Variants in EP400 observed in about 807,000 individuals in gnomAD.
The protein encoded by EP400 is E1A-binding protein p400.
A neutral mutation model predicts 354.1 loss-of-function variants in EP400; 105 were observed. That is an observed-to-expected ratio of 0.30 (90% CI 0.25 to 0.35). The LOEUF (loss-of-function observed/expected upper bound fraction) is 0.35, where lower values mean the gene tolerates loss of function less well. Among genes scored for constraint, EP400 ranks in the 10% least tolerant of loss-of-function variants. The pLI is 1.00. For synonymous variants in EP400, 1,646 were observed against 1,716.9 expected (o/e 0.96, Z 1.02); for missense variants, 3,280 against 4,121.0 (o/e 0.80, Z 5.59).
intron 2 of EP400, among the ~76,000 whole-genome samples, chr12:131,975,196 C>A (rs117931124): frequency 6.6e-6 from 1 of 152,058 alleles, no homozygotes; most frequent in Non-Finnish European, 1.5e-5. Flanking sequence ...CAGCCACAGC[C>A]GGGGAGCAGT....
chr12:131,967,205 A>G (rs1349348861), intron 2 of EP400, among the ~76,000 whole-genome samples: 1 of 151,086 alleles, frequency 6.6e-6, no homozygotes, highest in Non-Finnish European at 1.5e-5. Flanking sequence ...ACGTAGTGAA[A>G]CCCCGTCTCT....
At chr12:132,040,285 G>A (rs1894854746) in intron 32 of EP400, among the ~76,000 whole-genome samples, 1 of 152,042 alleles carries the variant, frequency 6.6e-6, no homozygotes, top group Non-Finnish European at 1.5e-5. Flanking sequence ...CGTTGGCACA[G>A]CCACCATGGG....
At chr12:132,069,682 G>A in intron 51 of EP400, 41 bp downstream of exon 51, 1 of 1,609,298 alleles carries the variant, frequency 6.2e-7, no homozygotes. Context: ...GTCAGGAGTG[G>A]GTGCCCGGCC....
chr12:132,042,362 C>T (rs557028701), intron 32 of EP400, among the ~76,000 whole-genome samples: 3 of 152,298 alleles, frequency 2.0e-5, no homozygotes, highest in East Asian at 1.9e-4. Context: ...CCTTTTTAAA[C>T]GCTGTGTATT....
Position 132,064,761 on chromosome 12 carries a change from C to G in EP400, c.8428C>G (p.Gln2810Glu). 6.2e-7 allele frequency: 1 copy of G among 1,613,674 alleles called. No homozygotes were observed. Among genetic ancestry groups the G allele is most frequent in the South Asian group, 1.1e-5 (1 of 91,070 alleles). ...GTCTGCGCCCCCGCAGCCAACAGCCCAAGTGCAAGTGCAGACCTCGCAGCC... is the reference window on the plus strand; with the variant it reads ...GTCTGCGCCCCCGCAGCCAACAGCCGAAGTGCAAGTGCAGACCTCGCAGCC... ...AQSAPPQPTA[Q>E]VQVQTSQPPQ... is the part of the protein sequence containing the mutation. Residue 2810 changes from glutamine (Q) to glutamate (E), a missense_variant, in exon 48 of 53, where the codon CAA becomes GAA. Around this residue, in one of 20 missense-constraint regions of EP400, gnomAD observed 86 missense variants for 66.4 expected, o/e 1.29. Transcript: ENST00000389561.
Position 131,990,217 on chromosome 12 carries a change from G to T in EP400, c.2550+113G>T. 1 of 1,271,260 alleles carries T rather than the reference G, an allele frequency of 7.9e-7. No homozygotes were observed. 78.7% of individuals were successfully genotyped at this position (1,271,260 alleles called of 1,614,324 possible). On this transcript the variant is annotated intron_variant, in intron 8 of 52. Transcript: ENST00000389561. This position sits in a 1 kb window ranked among gnomAD's most constrained non-coding sequence, Gnocchi z 4.2. ...GCTTAGGAAGCTTTCGAGCACCAGA[G>T]TCAGCAACGTGTGCACTCTCCTGGG...
At chr12:132,014,215 G>A (rs984866167) in intron 19 of EP400, among the ~76,000 whole-genome samples, 4 of 152,232 alleles carry the variant, frequency 2.6e-5, no homozygotes, top group African/African-American at 9.6e-5. Context: ...GTGAATTTTA[G>A]TTTCCATTCA....
chr12:132,015,942 T>C (rs1893915165), intron 19 of EP400, among the ~76,000 whole-genome samples: 1 of 152,130 alleles, frequency 6.6e-6, no homozygotes, highest in South Asian at 2.1e-4. Flanking sequence ...CCCATGTTTC[T>C]GTACCACGAG....
At chr12:132,076,469 A>T (rs1227456192) in intron 51 of EP400, 47 bp from the exon 52 acceptor site, 1 of 1,587,202 alleles carries the variant, frequency 6.3e-7, no homozygotes, top group Non-Finnish European at 8.6e-7. Context: ...CTTTTTGTGC[A>T]CATACTCCTT....
At position 132,047,181 on chromosome 12, in the gene EP400, T is replaced by G. The variant is rs931960474; in HGVS notation, c.7200+1281T>G. Among the ~76,000 whole-genome samples the G allele has an allele frequency of 5.9e-5, 9 of 152,094 alleles. No homozygotes were observed. The East Asian group carries it at 1.7e-3, about 29-fold the overall frequency. On this transcript the variant is annotated intron_variant, in intron 39 of 52. Transcript: ENST00000389561. The stretch of plus-strand genomic sequence containing the variant: ...ACACTTGTCTCAAAGCATTTGTTTG[T>G]TTTTTTTGTTAAATGTAGAAAAGCA...
rs754577236 is a variant in EP400 at position 131,981,586 on chromosome 12, G to A, written c.1533G>A (p.Pro511=). ...DAGVPLQQLM[P]TAQGGMPPTP... Reference sequence around the variant, plus strand: ...GCGTTCCTCTCCAGCAACTAATGCCGACCGCACAAGGTAAGGCCCAGCAGC... The same window carrying A: ...GCGTTCCTCTCCAGCAACTAATGCCAACCGCACAAGGTAAGGCCCAGCAGC... Residue 511 remains proline (P), a synonymous_variant, in exon 4 of 53, where the codon CCG becomes CCA. Coordinates refer to ENST00000389561, the MANE Select transcript of EP400 (RefSeq NM_015409.5). 13 of 1,596,100 alleles carry A rather than the reference G, an allele frequency of 8.1e-6. No homozygotes were observed. The highest frequency in any genetic ancestry group is 5.4e-5 in the African/African-American group (4 of 74,710).
intron 2 of EP400, among the ~76,000 whole-genome samples, chr12:131,977,947 T>C (rs1279075717): frequency 6.6e-6 from 1 of 152,212 alleles, no homozygotes; most frequent in Non-Finnish European, 1.5e-5. Flanking sequence ...TCTGTAACTT[T>C]TGCGTTTAAA....
intron 2 of EP400, among the ~76,000 whole-genome samples, chr12:131,972,966 A>C (rs1389830237): frequency 6.6e-6 from 1 of 151,734 alleles, no homozygotes; most frequent in African/African-American, 2.4e-5. Flanking sequence ...TCCTGACCTC[A>C]AGTGATCCAC....
At chr12:131,977,416 A>T (rs1048025543) in intron 2 of EP400, among the ~76,000 whole-genome samples, 2 of 151,688 alleles carry the variant, frequency 1.3e-5, no homozygotes, top group Non-Finnish European at 2.9e-5. Context: ...TACAGGCGTG[A>T]GCCACCATGC....
intron 31 of EP400, 76 bp downstream of exon 31, chr12:132,037,869 C>T: frequency 6.2e-7 from 1 of 1,611,854 alleles, no homozygotes; most frequent in South Asian, 1.1e-5. Flanking sequence ...TTAGTGCACA[C>T]TAGCAAGGGG....
At chr12:132,035,602 G>C (rs547430010) in intron 30 of EP400, among the ~76,000 whole-genome samples, 1 of 150,800 alleles carries the variant, frequency 6.6e-6, no homozygotes, top group South Asian at 2.1e-4. Flanking sequence ...GCACACCCAG[G>C]TTCACACGGA....
At chr12:131,980,535 A>G (rs1045307925) in intron 3 of EP400, among the ~76,000 whole-genome samples, 6 of 151,492 alleles carry the variant, frequency 4.0e-5, no homozygotes, top group Admixed American at 1.3e-4. Context: ...TTTTTCCTAC[A>G]TGTTTATCAG....
rs1471877228 is a variant in EP400, at chr12:132,066,973, C to A, written c.8749+4C>A. On this transcript the variant is annotated splice_donor_region_variant and intron_variant, in intron 49 of 52. Coordinates refer to ENST00000389561, the MANE Select transcript of EP400 (RefSeq NM_015409.5). Reference sequence around the variant, plus strand: ...GGTCAGCCACAGAAGGCAGCAGGTGCCCGCCCCAGCACACCCTCCCGTCCT... The same window carrying A: ...GGTCAGCCACAGAAGGCAGCAGGTGACCGCCCCAGCACACCCTCCCGTCCT... The A allele has an allele frequency of 1.3e-6, 2 of 1,589,256 alleles. No homozygotes were observed. The highest frequency in any genetic ancestry group is 2.3e-5 in the South Asian group (2 of 88,840).
At chr12:131,993,616 G>A (rs1479841462) in intron 11 of EP400, among the ~76,000 whole-genome samples, 1 of 152,190 alleles carries the variant, frequency 6.6e-6, no homozygotes, top group Non-Finnish European at 1.5e-5. Context: ...TCTGAGAGAT[G>A]CGTTGCTGGA....
Sources: allele counts gnomAD v4.1 joint callset (sites outside exome capture counted in the v4.1 genomes callset), GRCh38; gene constraint gnomAD v4.1.1; regional missense constraint gnomAD v4.1.1; non-coding constraint Gnocchi (gnomAD v3.1); transcripts MANE v1.5; gene names NCBI Gene and HGNC (gene_info 2026-07-23, HGNC 2026-07-21).